C21orf91: variants seen among roughly 807,000 people sequenced by gnomAD.
C21orf91 encodes the protein chromosome 21 open reading frame 91, also known as protein EURL homolog.
In C21orf91, 26 loss-of-function variants were observed where a neutral mutation model predicts 32.9. The observed-to-expected ratio is 0.79, with a 90% confidence interval of 0.58 to 1.10. C21orf91 has a LOEUF of 1.10. C21orf91 is among the 50% of genes least tolerant of loss of function. The pLI is 0.00. For synonymous variants in C21orf91, 126 were observed against 120.4 expected (o/e 1.05, Z -0.31); for missense variants, 310 against 341.3 (o/e 0.91, Z 0.72).
At chr21:17,803,814 A>T (rs919346194) in intron 2 of C21orf91, among the ~76,000 whole-genome samples, 1 of 152,216 alleles carries the variant, frequency 6.6e-6, no homozygotes, top group Non-Finnish European at 1.5e-5. Context: ...AAAAGGAATA[A>T]AGGAAAAGCC....
rs752549559 is a variant in C21orf91, at chr21:17,791,690, GA to G, written c.*1724del. ...ATGTATTTACCCAGCTTGTAAGTTT[GA>G]ATATTTTGATATTGCACACATTTAA... On this transcript the variant is annotated 3_prime_UTR_variant, in exon 5 of 5. Transcript: ENST00000284881. 14 of 152,200 alleles carry G rather than the reference GA, an allele frequency of 9.2e-5. No homozygotes were observed. The highest frequency in any genetic ancestry group is 5.9e-4 in the Admixed American group (9 of 15,288). 9.4% of individuals were successfully genotyped at this position (152,200 alleles called of 1,614,324 possible).
rs1201895991 is a variant in C21orf91, at chr21:17,790,266, A to G, written c.*3149T>C. On this transcript the variant is annotated 3_prime_UTR_variant, in exon 5 of 5. Transcript: ENST00000284881. The stretch of plus-strand genomic sequence containing the variant: ...TTCTTCCAAAACAAAACAAAACCCA[A>G]ACTGGGAAACATTAAAACACAAATA... The G allele has an allele frequency of 6.6e-6, 1 of 152,082 alleles. No individual in the cohort carries two copies. The highest frequency in any genetic ancestry group is 6.5e-5 in the Admixed American group (1 of 15,272). 9.4% of individuals were successfully genotyped at this position (152,082 alleles called of 1,614,324 possible).
At chr21:17,816,882 C>T (rs1242987129) in intron 2 of C21orf91, among the ~76,000 whole-genome samples, 1 of 152,216 alleles carries the variant, frequency 6.6e-6, no homozygotes, top group African/African-American at 2.4e-5. Flanking sequence ...AATGTATCAA[C>T]AATATACAAG....
intron 2 of C21orf91, among the ~76,000 whole-genome samples, chr21:17,799,722 T>C (rs1176543487): frequency 6.6e-6 from 1 of 152,194 alleles, no homozygotes; most frequent in African/African-American, 2.4e-5. Context: ...TTTCGCGGCC[T>C]GTATCTCCTG....
chr21:17,798,404 T>C (rs1361963375), intron 2 of C21orf91, among the ~76,000 whole-genome samples: 1 of 152,172 alleles, frequency 6.6e-6, no homozygotes, highest in Non-Finnish European at 1.5e-5. Flanking sequence ...AAGTGTTAAA[T>C]TGGTTATCAG....
chr21:17,818,608 C>T (rs981659692), intron 1 of C21orf91, among the ~76,000 whole-genome samples: 1 of 152,188 alleles, frequency 6.6e-6, no homozygotes, highest in Non-Finnish European at 1.5e-5. Context: ...AAGAGATTTG[C>T]CGGCATTCTA....
intron 2 of C21orf91, among the ~76,000 whole-genome samples, chr21:17,812,180 A>C (rs974733749): frequency 9.2e-5 from 14 of 152,160 alleles, no homozygotes; most frequent in Non-Finnish European, 1.5e-5. Flanking sequence ...AAAATATTCT[A>C]TTATTTAAAC....
intron 2 of C21orf91, among the ~76,000 whole-genome samples, chr21:17,802,171 A>AT (rs527413452): frequency 1.1e-4 from 17 of 152,026 alleles, no homozygotes; most frequent in Non-Finnish European, 1.6e-4. Flanking sequence ...CATTACTCTT[A>AT]TTTTTTTGAG....
chr21:17,807,156 T>C (rs535023963), intron 2 of C21orf91, among the ~76,000 whole-genome samples: 1 of 152,330 alleles, frequency 6.6e-6, no homozygotes, highest in Non-Finnish European at 1.5e-5. Context: ...CCCACCCAAG[T>C]ATCATGTCAA....
At chr21:17,818,402 C>T in intron 1 of C21orf91, 77 bp from the exon 2 acceptor site, 1 of 1,230,650 alleles carries the variant, frequency 8.1e-7, no homozygotes, top group Non-Finnish European at 1.1e-6. Flanking sequence ...CTGGGAACTT[C>T]TAGGAAATAA....
At chr21:17,796,344 G>GT (rs2062517805) in intron 3 of C21orf91, among the ~76,000 whole-genome samples, 1 of 152,146 alleles carries the variant, frequency 6.6e-6, no homozygotes, top group African/African-American at 2.4e-5. Flanking sequence ...TCCATTTAGT[G>GT]TAATCATTTT....
intron 2 of C21orf91, among the ~76,000 whole-genome samples, chr21:17,813,290 C>A (rs1294742667): frequency 6.6e-6 from 1 of 152,190 alleles, no homozygotes; most frequent in Non-Finnish European, 1.5e-5. Flanking sequence ...ACAACCAGTT[C>A]TAACTTCCAA....
rs192872559 is a variant in C21orf91 at position 17,811,263 on chromosome 21, T to C, written c.127+6929A>G. 11 of 152,326 alleles carry C rather than the reference T, an allele frequency of 7.2e-5. No individual in the cohort carries two copies. In the East Asian group the frequency reaches 2.1e-3, roughly 29 times the overall value. 9.4% of individuals were successfully genotyped at this position (152,326 alleles called of 1,614,324 possible). On this transcript the variant is annotated intron_variant, in intron 2 of 4. Transcript: ENST00000284881. The stretch of plus-strand genomic sequence containing the variant: ...CTGGGATAACACAGAACCTACTTCA[T>C]ATAGTTGTATTAAGAATAAAATTAA...
rs1243520784 is a variant in C21orf91 at position 17,796,976 on chromosome 21, C to G, written c.270G>C (p.Leu90Phe). 1.2e-6 allele frequency: 2 copies of G among 1,613,788 alleles called. No homozygotes were observed. The highest frequency in any genetic ancestry group is 2.2e-5 in the East Asian group (1 of 44,860). The change falls in exon 3 of 5, where the codon TTG becomes TTC. Residue 90 changes from leucine to phenylalanine, a missense_variant. Transcript: ENST00000284881. The part of the protein sequence containing the change: ...KSTYEEVKTI[L>F]SKKINWIVQY... ...GCACAATCCAGTTTATCTTCTTACT[C>G]AAAATGGTTTTAACTTCTTCATAAG... is the stretch of plus-strand genomic sequence containing the variant.
Position 17,797,014 on chromosome 21 carries a change from G to A in C21orf91, c.232C>T (p.Leu78Phe). 1 of 1,612,708 alleles carries A rather than the reference G, an allele frequency of 6.2e-7. No homozygotes were observed. Among genetic ancestry groups the A allele is most frequent in the South Asian group, 1.1e-5 (1 of 91,040 alleles). Residue 78 changes from leucine to phenylalanine, a missense_variant, in exon 3 of 5, where the codon CTT becomes TTT. Leu to Phe is a conservative substitution (Grantham distance 22). Transcript: ENST00000284881. ...ACTTCTTCATAAGTACTTTTTGAAAGCTTAGATCGAGGACAACCCTGGTTT... is the reference window on the plus strand; with the variant it reads ...ACTTCTTCATAAGTACTTTTTGAAAACTTAGATCGAGGACAACCCTGGTTT... ...IANQGCPRSKLSKSTYEEVKT... is the reference protein window; with the variant it reads ...IANQGCPRSKFSKSTYEEVKT...
intron 2 of C21orf91, among the ~76,000 whole-genome samples, chr21:17,804,817 C>A (rs2062584595): frequency 6.6e-6 from 1 of 152,220 alleles, no homozygotes; most frequent in Admixed American, 6.5e-5. Flanking sequence ...TCACCCTCAA[C>A]CTAGGAGGCC....
In C21orf91 at chr21:17,818,190, AC is replaced by A; in HGVS notation, c.127+1del. On this transcript the variant is annotated splice_donor_variant, in intron 2 of 4. Transcript: ENST00000284881. LOFTEE classifies it high-confidence loss of function. ...AAGATCAAAACTATACTGTGTCCTT[AC>A]CCTCAATATTTAGCTCAAAACAAAT... is the stretch of plus-strand genomic sequence containing the variant. 6.2e-7 allele frequency: 1 copy of A among 1,607,218 alleles called. No individual in the cohort carries two copies. Among genetic ancestry groups the A allele is most frequent in the Non-Finnish European group, 8.5e-7 (1 of 1,173,942 alleles).
chr21:17,792,079 C>T lies in C21orf91; in HGVS notation c.*1336G>A, dbSNP rs2062478589. The stretch of plus-strand genomic sequence containing the variant: ...ACGTTACTGGGCTTTTCAGCAGATA[C>T]TTTCAAGCAAGGATCTACCTCATAA... On this transcript the variant is annotated 3_prime_UTR_variant, in exon 5 of 5. Transcript: ENST00000284881. The T allele has an allele frequency of 6.6e-6, 1 of 152,102 alleles. No individual in the cohort carries two copies. Among genetic ancestry groups the T allele is most frequent in the Non-Finnish European group, 1.5e-5 (1 of 67,990 alleles). The allele number at this position is 152,102 out of a possible 1,614,324, so 9.4% of individuals were successfully genotyped here.
intron 2 of C21orf91, among the ~76,000 whole-genome samples, chr21:17,816,673 A>G (rs1166278787): frequency 6.6e-6 from 1 of 152,252 alleles, no homozygotes; most frequent in East Asian, 1.9e-4. Context: ...GACAGTAGTC[A>G]TTCCAAAGCT....
Sources: gnomAD v4.1 joint callset for allele counts (sites outside exome capture counted in the v4.1 genomes callset) on GRCh38, gnomAD v4.1.1 for gene constraint, MANE v1.5 for transcripts, NCBI Gene and HGNC (gene_info 2026-07-23, HGNC 2026-07-21) for gene names.